PRKG1: variants seen among roughly 807,000 people sequenced by gnomAD.
The protein encoded by PRKG1 is cGMP-dependent protein kinase 1.
A neutral mutation model predicts 88.1 loss-of-function variants in PRKG1; 35 were observed. The observed-to-expected ratio is 0.40, with a 90% confidence interval of 0.30 to 0.53. The LOEUF (loss-of-function observed/expected upper bound fraction) is 0.53. Ranked by LOEUF, PRKG1 falls within the 20% of genes least tolerant of loss-of-function variation. The probability of loss-of-function intolerance (pLI) is 0.59; values close to 1 mark genes in which losing one functional copy is unlikely to be tolerated. For missense variants in PRKG1, 540 were observed against 839.8 expected, an observed-to-expected ratio of 0.64 and a Z score of 4.41; for synonymous variants, 303 against 292.5, an observed-to-expected ratio of 1.04 and a Z score of -0.37.
In PRKG1 at chr10:52,146,491, CT is replaced by C. The variant is rs375034275; in HGVS notation, c.1001+12594del. On this transcript the variant is annotated intron_variant, in intron 8 of 17. Coordinates refer to ENST00000373980, the MANE Select transcript of PRKG1 (RefSeq NM_006258.4). ...TCTCACAGCAAACTTGCAAGGAATT[CT>C]TTTTTTTCTCCATTTCAAAGGTAAA... Among the ~76,000 whole-genome samples the C allele has an allele frequency of 8.5e-5, 13 of 152,094 alleles. No individual in the cohort carries two copies. The East Asian group carries it at 2.5e-3, about 29-fold the overall frequency.
chr10:51,089,009 A>G (rs1844330540), intron 1 of PRKG1, among the ~76,000 whole-genome samples: 1 of 152,138 alleles, frequency 6.6e-6, no homozygotes, highest in Non-Finnish European at 1.5e-5. Context: ...CCAAATGGTC[A>G]TGATAATCCC....
At chr10:51,669,866 T>C (rs1472892147) in intron 3 of PRKG1, among the ~76,000 whole-genome samples, 1 of 152,206 alleles carries the variant, frequency 6.6e-6, no homozygotes, top group Admixed American at 6.5e-5. Flanking sequence ...TGGTCAGTAT[T>C]GTACATATGC....
intron 2 of PRKG1, among the ~76,000 whole-genome samples, chr10:51,417,325 A>G (rs1005534268): frequency 3.3e-5 from 5 of 152,210 alleles, no homozygotes; most frequent in Non-Finnish European, 7.3e-5. Context: ...GTTGATCACA[A>G]AAGCTTCCCC....
chr10:51,086,913 G>C (rs2131858164), intron 1 of PRKG1, among the ~76,000 whole-genome samples: 1 of 152,316 alleles, frequency 6.6e-6, no homozygotes, highest in East Asian at 1.9e-4. Context: ...CAGGGTGATG[G>C]ATGGAAAATG....
At chr10:52,129,647 G>A (rs1044941441) in intron 7 of PRKG1, among the ~76,000 whole-genome samples, 13 of 152,120 alleles carry the variant, frequency 8.5e-5, no homozygotes, top group Non-Finnish European at 1.2e-4. Context: ...TGAGCTTGGC[G>A]ATGAATAATT....
intron 3 of PRKG1, among the ~76,000 whole-genome samples, chr10:51,658,288 A>G (rs932798832): frequency 6.6e-6 from 1 of 152,108 alleles, no homozygotes; most frequent in East Asian, 1.9e-4. Context: ...AGGGAGAAAG[A>G]GGATCTGGCC....
intron 3 of PRKG1, among the ~76,000 whole-genome samples, chr10:51,571,271 T>C (rs976686056): frequency 1.3e-5 from 2 of 151,918 alleles, no homozygotes; most frequent in Non-Finnish European, 2.9e-5. Context: ...TTTTAAAAAG[T>C]AGTTTATTGA....
intron 9 of PRKG1, among the ~76,000 whole-genome samples, chr10:52,207,050 T>C (rs1336304806): frequency 6.6e-6 from 1 of 152,214 alleles, no homozygotes; most frequent in African/African-American, 2.4e-5. Context: ...TGCAATGGCA[T>C]TCATGCACAC....
chr10:51,213,312 G>A (rs1838282166), intron 2 of PRKG1, among the ~76,000 whole-genome samples: 1 of 151,032 alleles, frequency 6.6e-6, no homozygotes, highest in Non-Finnish European at 1.5e-5. Context: ...ACCGGGGACT[G>A]TTGTGGGGTT....
At chr10:51,077,624 G>A (rs1040132780) in intron 1 of PRKG1, among the ~76,000 whole-genome samples, 1 of 152,042 alleles carries the variant, frequency 6.6e-6, no homozygotes, top group Non-Finnish European at 1.5e-5. Flanking sequence ...TTTTGGCTTG[G>A]AATTTTTCCT....
intron 2 of PRKG1, among the ~76,000 whole-genome samples, chr10:51,330,158 T>A (rs913932773): frequency 1.3e-5 from 1 of 75,032 alleles, no homozygotes; most frequent in African/African-American, 3.3e-5. Context: ...TTTTATTTAT[T>A]TTTTTTTTTT....
At chr10:52,190,327 G>A (rs945730291) in intron 9 of PRKG1, among the ~76,000 whole-genome samples, 4 of 152,036 alleles carry the variant, frequency 2.6e-5, no homozygotes, top group African/African-American at 9.7e-5. Flanking sequence ...AATGTATTCT[G>A]TTAAAACAGA....
At chr10:51,393,038 C>T (rs528623596) in intron 2 of PRKG1, among the ~76,000 whole-genome samples, 2,403 of 145,976 alleles carry the variant, frequency 0.016, 36 homozygotes, top group Admixed American at 0.032. Context: ...GGTTGCCGGG[C>T]GGAGGGGCTC....
chr10:52,046,123 A>T (rs542204559), intron 5 of PRKG1, among the ~76,000 whole-genome samples: 1 of 152,172 alleles, frequency 6.6e-6, no homozygotes, highest in African/African-American at 2.4e-5. Context: ...TTTTTTTGTG[A>T]TAGAGGAGAG....
At chr10:52,115,239 G>GTT (rs146497487) in intron 7 of PRKG1, among the ~76,000 whole-genome samples, 3 of 151,068 alleles carry the variant, frequency 2.0e-5, no homozygotes, top group African/African-American at 4.9e-5. Context: ...TGGTAATCCT[G>GTT]TTTTTTTTTA....
At position 52,135,302 on chromosome 10, in the gene PRKG1, A is replaced by T. The variant is rs374641265; in HGVS notation, c.1001+1397A>T. Among the ~76,000 whole-genome samples the T allele has an allele frequency of 6.6e-5, 10 of 152,234 alleles. No homozygotes were observed. The East Asian group carries it at 1.5e-3, about 23-fold the overall frequency. On this transcript the variant is annotated intron_variant, in intron 8 of 17. Transcript: ENST00000373980. ...AGCCATTTAAACTGGCTAAAGTGAG[A>T]CTGTGTAAAGGTAGTTGGTGGAGGT...
intron 6 of PRKG1, among the ~76,000 whole-genome samples, chr10:52,055,170 CA>C (rs1388771913): frequency 1.3e-5 from 2 of 152,156 alleles, no homozygotes; most frequent in African/African-American, 4.8e-5. Context: ...AGGTCACTTA[CA>C]AAATTCATCA....
At position 51,008,665 on chromosome 10, in the gene PRKG1, G is replaced by A. The variant is rs187369463; in HGVS notation, c.266+17021G>A. Among the ~76,000 whole-genome samples, 82 of 152,084 alleles carry A rather than the reference G, an allele frequency of 5.4e-4. No homozygotes were observed. The South Asian group carries it at 0.01, about 19-fold the overall frequency. On this transcript the variant is annotated intron_variant, in intron 1 of 17. Coordinates refer to the PRKG1 transcript ENST00000401604. ...GCCCACCCTAATCCAATATGATGTCGTCTTGATTACATCTATAAAGATGCT... is the reference window on the plus strand; with the variant it reads ...GCCCACCCTAATCCAATATGATGTCATCTTGATTACATCTATAAAGATGCT...
chr10:51,605,667 C>A (rs1377489824), intron 3 of PRKG1, among the ~76,000 whole-genome samples: 1 of 152,170 alleles, frequency 6.6e-6, no homozygotes, highest in African/African-American at 2.4e-5. Flanking sequence ...AGTAGAATGA[C>A]AATAGAGCCG....
Sources: allele counts gnomAD v4.1 joint callset (sites outside exome capture counted in the v4.1 genomes callset), GRCh38; gene constraint gnomAD v4.1.1; transcripts MANE v1.5; gene names NCBI Gene and HGNC (gene_info 2026-07-23, HGNC 2026-07-21).